Variants in ABCA9 observed in about 807,000 individuals in gnomAD.
ABCA9 encodes ATP-binding cassette sub-family A member 9.
Under a neutral mutation model 205.3 loss-of-function variants are expected in ABCA9, and 183 were observed. The ratio of observed to expected loss-of-function variants is 0.89; its 90% CI spans 0.79 to 1.01. The LOEUF (loss-of-function observed/expected upper bound fraction) is 1.01, where lower values mean the gene tolerates loss of function less well. Among genes scored for constraint, ABCA9 ranks in the 50% least tolerant of loss-of-function variants. The pLI is 0.00. For synonymous variants in ABCA9, 651 were observed against 683.3 expected (o/e 0.95, Z 0.74); for missense variants, 1,805 against 1,912.4 (o/e 0.94, Z 1.05).
At chr17:68,988,596 T>C (rs1056884823) in intron 31 of ABCA9, among the ~76,000 whole-genome samples, 2 of 152,216 alleles carry the variant, frequency 1.3e-5, no homozygotes, top group African/African-American at 4.8e-5. Flanking sequence ...AAGTCACACA[T>C]AATCTTTAAT....
At position 68,990,488 on chromosome 17, in the gene ABCA9, C is replaced by G. The variant is rs372044977; in HGVS notation, c.3837+349G>C. Among the ~76,000 whole-genome samples, 13 of 152,346 alleles carry G rather than the reference C, an allele frequency of 8.5e-5. No individual in the cohort carries two copies. In the East Asian group the frequency reaches 1.9e-3, roughly 23 times the overall value. ...CCTTGAACTCTCAGGCTCAAGTGAGCTTCCAGCCTCAGCCTTCTGAGTAGC... is the reference window on the plus strand; with the variant it reads ...CCTTGAACTCTCAGGCTCAAGTGAGGTTCCAGCCTCAGCCTTCTGAGTAGC... On this transcript the variant is annotated intron_variant, in intron 29 of 38. Transcript: ENST00000340001.
intron 34 of ABCA9, among the ~76,000 whole-genome samples, chr17:68,984,551 A>G (rs2069167784): frequency 6.6e-6 from 1 of 152,206 alleles, no homozygotes; most frequent in South Asian, 2.1e-4. Context: ...TATATTGAAG[A>G]TTTGGAATGT....
chr17:69,058,996 G>C lies in ABCA9; in HGVS notation c.-14+1870C>G, dbSNP rs1041828448. Among the ~76,000 whole-genome samples the C allele has an allele frequency of 3.9e-5, 6 of 152,260 alleles. No individual in the cohort carries two copies. The South Asian group carries it at 1.2e-3, about 32-fold the overall frequency. ...TATGGTGCCAGGCAAGAGAGCTTGGGTAGGGGAATTCCCCTTTATAAAACC... is the reference window on the plus strand; with the variant it reads ...TATGGTGCCAGGCAAGAGAGCTTGGCTAGGGGAATTCCCCTTTATAAAACC... On this transcript the variant is annotated intron_variant, in intron 1 of 38. Coordinates refer to ENST00000340001, the MANE Select transcript of ABCA9 (RefSeq NM_080283.4).
chr17:69,019,491 T>C (rs1021291407), intron 19 of ABCA9, among the ~76,000 whole-genome samples: 2 of 152,140 alleles, frequency 1.3e-5, no homozygotes, highest in Non-Finnish European at 2.9e-5. Flanking sequence ...TCCTCTCTCT[T>C]CTTCAAAATC....
intron 37 of ABCA9, among the ~76,000 whole-genome samples, chr17:68,977,941 A>G (rs2068934146): frequency 6.6e-6 from 1 of 152,342 alleles, no homozygotes; most frequent in Admixed American, 6.5e-5. Flanking sequence ...TGAAAGCAGA[A>G]GCATGTTGAT....
rs138924613 is a variant in ABCA9 at position 69,042,107 on chromosome 17, A to G, written c.800+1382T>C. 7.7e-3 allele frequency among the ~76,000 whole-genome samples: 1,170 copies of G among 152,294 alleles called. 15 individuals are homozygous for G. The highest frequency in any genetic ancestry group is 0.026 in the African/African-American group (1,082 of 41,558). On this transcript the variant is annotated intron_variant, in intron 6 of 38. Transcript: ENST00000340001. ...CTTTTACTGCATCTGTCTCTAATGC[A>G]TCACTTGGCTAAACTCTTGAAACTA...
rs141409939 is a variant in ABCA9 at position 69,035,658 on chromosome 17, A to G, written c.942+2T>C. The G allele has an allele frequency of 4.3e-4, 688 of 1,613,246 alleles. 6 individuals are homozygous for G. The highest frequency in any genetic ancestry group is 5.8e-4 in the Admixed American group (35 of 59,846). On this transcript the variant is annotated splice_donor_variant, in intron 7 of 38. Transcript: ENST00000340001. LOFTEE classifies it high-confidence loss of function. ...AGACTTAGATGAAATTAACCAACTC[A>G]CCAAAGACAGGCCATAGAGGAGAAA... is the stretch of plus-strand genomic sequence containing the variant.
intron 20 of ABCA9, 144 bp downstream of exon 20, chr17:69,018,269 A>AT: frequency 1.4e-6 from 1 of 706,584 alleles, no homozygotes; most frequent in Non-Finnish European, 2.2e-6. Flanking sequence ...CGTATTTTTC[A>AT]TTTTTTAATT....
intron 6 of ABCA9, 67 bp downstream of exon 6, chr17:69,043,422 A>T: frequency 7.4e-7 from 1 of 1,346,772 alleles, no homozygotes; most frequent in Non-Finnish European, 1.0e-6. Flanking sequence ...CCCTGGTCTA[A>T]GGAGTCAACC....
chr17:69,073,222 C>A, the ABCA9 span, among the ~76,000 whole-genome samples: 2 of 152,100 alleles, frequency 1.3e-5, no homozygotes, highest in African/African-American at 4.8e-5. Context: ...ATATTCAGGA[C>A]GTGAACTCAG....
intron 23 of ABCA9, among the ~76,000 whole-genome samples, chr17:69,010,986 A>C (rs1384585077): frequency 6.6e-6 from 1 of 152,192 alleles, no homozygotes; most frequent in Non-Finnish European, 1.5e-5. Flanking sequence ...GCCACTGTAC[A>C]TATAGAAGTC....
At chr17:68,977,635 G>A (rs1369668765) in intron 37 of ABCA9, among the ~76,000 whole-genome samples, 2 of 152,222 alleles carry the variant, frequency 1.3e-5, no homozygotes, top group East Asian at 3.8e-4. Flanking sequence ...ATTGGTGGTA[G>A]GAAAGAATGA....
chr17:68,998,915 T>C (rs2069730196), intron 25 of ABCA9, among the ~76,000 whole-genome samples: 2 of 151,892 alleles, frequency 1.3e-5, no homozygotes. Flanking sequence ...AAAAAATCTA[T>C]AGAGAATGCT....
intron 10 of ABCA9, among the ~76,000 whole-genome samples, chr17:69,030,352 G>C (rs546127758): frequency 4.6e-5 from 7 of 152,296 alleles, no homozygotes; most frequent in Admixed American, 2.6e-4. Flanking sequence ...GGCAGAGAGA[G>C]GGAAAAAGTG....
intron 10 of ABCA9, among the ~76,000 whole-genome samples, chr17:69,031,810 A>G (rs191591409): frequency 4.6e-5 from 7 of 152,332 alleles, no homozygotes; most frequent in South Asian, 4.1e-4. Flanking sequence ...AGAACAACTC[A>G]GGGGAGAAAA....
At chr17:69,032,370 A>G in intron 9 of ABCA9, 94 bp from the exon 10 acceptor site, 1 of 1,159,658 alleles carries the variant, frequency 8.6e-7, no homozygotes, top group South Asian at 1.6e-5. Flanking sequence ...TTAAACCTGA[A>G]CCCACATTAT....
intron 29 of ABCA9, among the ~76,000 whole-genome samples, chr17:68,990,277 T>C (rs561119664): frequency 1.3e-5 from 2 of 152,356 alleles, no homozygotes; most frequent in South Asian, 2.1e-4. Context: ...ACTTTGGTTA[T>C]AAAACACAAA....
At chr17:68,981,462 C>A (rs1406982197) in intron 37 of ABCA9, among the ~76,000 whole-genome samples, 1 of 152,140 alleles carries the variant, frequency 6.6e-6, no homozygotes, top group Non-Finnish European at 1.5e-5. Context: ...ACTGCGGAAT[C>A]CTTCCAACTG....
At chr17:69,018,059 T>C (rs1050607548) in intron 20 of ABCA9, 1 of 406,736 alleles carries the variant, frequency 2.5e-6, no homozygotes, top group Non-Finnish European at 4.3e-6. Context: ...CTTGAAGCTA[T>C]TAATAGTCTA....
Sources: gnomAD v4.1 joint callset for allele counts (sites outside exome capture counted in the v4.1 genomes callset) on GRCh38, gnomAD v4.1.1 for gene constraint, MANE v1.5 for transcripts, NCBI Gene and HGNC (gene_info 2026-07-23, HGNC 2026-07-21) for gene names.